Variants in PICALM observed in about 807,000 individuals in gnomAD.
PICALM encodes phosphatidylinositol-binding clathrin assembly protein.
Under a neutral mutation model 80.5 loss-of-function variants are expected in PICALM, and 40 were observed. That is an observed-to-expected ratio of 0.50 (90% CI 0.39 to 0.65). The LOEUF is 0.65. Ranked by LOEUF, PICALM falls within the 30% of genes least tolerant of loss-of-function variation. PICALM has a pLI of 0.00. For missense variants in PICALM, 676 were observed against 778.9 expected (o/e 0.87, Z 1.57); for synonymous variants, 288 against 260.3 (o/e 1.11, Z -1.02).
chr11:85,975,760 C>A (rs1399128019), intron 18 of PICALM, among the ~76,000 whole-genome samples: 1 of 152,010 alleles, frequency 6.6e-6, no homozygotes, highest in African/African-American at 2.4e-5. Flanking sequence ...CCATACCCAG[C>A]TAATTTTTGT....
intron 8 of PICALM, among the ~76,000 whole-genome samples, chr11:86,007,147 ACAGT>A (rs556807269): frequency 1.2e-4 from 19 of 152,374 alleles, no homozygotes; most frequent in African/African-American, 3.4e-4. Flanking sequence ...CCTGAGTCAA[ACAGT>A]CAAAGTGGAA....
intron 6 of PICALM, among the ~76,000 whole-genome samples, 184 bp from the exon 7 acceptor site, chr11:86,011,320 TA>T (rs1255287518): frequency 1.3e-5 from 2 of 152,142 alleles, no homozygotes; most frequent in African/African-American, 4.8e-5. Context: ...GCTATTATAC[TA>T]AAAAAAGAAA....
In PICALM at chr11:85,957,575, C is replaced by T. The variant is rs2093567174; in HGVS notation, c.*1471G>A. 1 of 186,232 alleles carries T rather than the reference C, an allele frequency of 5.4e-6. No individual in the cohort carries two copies. Among genetic ancestry groups the T allele is most frequent in the African/African-American group, 2.3e-5 (1 of 42,634 alleles). 11.5% of individuals were successfully genotyped at this position (186,232 alleles called of 1,614,324 possible). ...CAAACCTTCCATGTTATTAGATCAA[C>T]AAATATAATCACCTGGGTATATTTT... On this transcript the variant is annotated 3_prime_UTR_variant, in exon 20 of 20. Coordinates refer to ENST00000393346, the MANE Select transcript of PICALM (RefSeq NM_007166.4).
Position 86,062,834 on chromosome 11 carries a change from G to A in PICALM, c.130+5817C>T, listed in dbSNP as rs141261699. Among the ~76,000 whole-genome samples, 636 of 152,206 alleles carry A rather than the reference G, an allele frequency of 4.2e-3. 8 individuals carry two copies. Among genetic ancestry groups the A allele is most frequent in the Non-Finnish European group, 7.0e-3 (476 of 67,992 alleles). On this transcript the variant is annotated intron_variant, in intron 1 of 19. Transcript: ENST00000393346. ...CAAAATTTTGATTCTCTAGAGAAAC[G>A]TATAAAGCAGTTTAACTGGGAACAT...
In PICALM at chr11:86,011,098, C is replaced by G; in HGVS notation, c.697G>C (p.Gly233Arg). The stretch of plus-strand genomic sequence containing the variant: ...AGGAACTTCTTATAGATGTCAAGAC[C>G]TTCTTTGCATTGGTTCTTTTTCATA... ...FDMKKNQCKE[G>R]LDIYKKFLTR... The change falls in exon 7 of 20, where the codon GGT (glycine) becomes CGT (arginine). Residue 233 changes from glycine (G) to arginine (R), a missense_variant. By Grantham distance (125) the Gly-to-Arg change is moderately radical (BLOSUM62 -2). This residue lies in a region of PICALM where 285 missense variants were observed against 395.4 expected (regional missense o/e 0.72). Coordinates refer to ENST00000393346, the MANE Select transcript of PICALM (RefSeq NM_007166.4). 1.3e-6 allele frequency: 2 copies of G among 1,525,964 alleles called. No homozygotes were observed. Among genetic ancestry groups the G allele is most frequent in the Non-Finnish European group, 1.8e-6 (2 of 1,112,648 alleles). 94.5% of individuals were successfully genotyped at this position (1,525,964 alleles called of 1,614,324 possible).
At chr11:85,974,922 A>C in intron 18 of PICALM, 110 bp from the exon 19 acceptor site, 1 of 749,752 alleles carries the variant, frequency 1.3e-6, no homozygotes, top group Non-Finnish European at 2.4e-6. Context: ...TGCTTGACTC[A>C]AAGGGTAACT....
At chr11:85,988,076 A>T (rs1211947441) in intron 13 of PICALM, among the ~76,000 whole-genome samples, 3 of 152,152 alleles carry the variant, frequency 2.0e-5, no homozygotes, top group Non-Finnish European at 4.4e-5. Context: ...TAGTTGTGTC[A>T]AACATTCTTT....
intron 1 of PICALM, among the ~76,000 whole-genome samples, chr11:86,034,995 C>T (rs561646): frequency 0.69 from 105,151 of 152,048 alleles, 36,553 homozygotes; most frequent in African/African-American, 0.78. Flanking sequence ...TAAGGATCCA[C>T]TAAAACATAC....
Position 86,022,487 on chromosome 11 carries a change from C to A in PICALM, c.350-18G>T, listed in dbSNP as rs749688028. 2.3e-6 allele frequency: 3 copies of A among 1,306,128 alleles called. No individual in the cohort carries two copies. Among genetic ancestry groups the A allele is most frequent in the South Asian group, 2.9e-5 (2 of 68,660 alleles). 80.9% of individuals were successfully genotyped at this position (1,306,128 alleles called of 1,614,324 possible). A position where few individuals can be genotyped will look rare whatever the true frequency, so the allele number is the denominator to read the frequency against. On this transcript the variant is annotated intron_variant, in intron 3 of 19. Coordinates refer to ENST00000393346, the MANE Select transcript of PICALM (RefSeq NM_007166.4). Reference sequence around the variant, plus strand: ...GTCATATCCTGTAAAAAAACAAAAACAAAAACAAAACAAAGAGAGAGACAA... The same window carrying A: ...GTCATATCCTGTAAAAAAACAAAAAAAAAAACAAAACAAAGAGAGAGACAA...
intron 18 of PICALM, 79 bp downstream of exon 18, chr11:85,976,544 T>C: frequency 1.1e-6 from 1 of 892,294 alleles, no homozygotes. Flanking sequence ...TAAATTCTTT[T>C]TTAGGTTAAA....
At chr11:86,007,488 C>A in intron 8 of PICALM, 54 bp downstream of exon 8, 1 of 1,007,186 alleles carries the variant, frequency 9.9e-7, no homozygotes, top group Non-Finnish European at 1.6e-6. Flanking sequence ...TCTTAATACT[C>A]TTCACAACTT....
chr11:85,992,274 G>T (rs1012663294), intron 12 of PICALM, among the ~76,000 whole-genome samples: 2 of 136,848 alleles, frequency 1.5e-5, no homozygotes, highest in African/African-American at 5.6e-5. Flanking sequence ...GAAAGTTCTG[G>T]GTGTGTTTTG....
At chr11:85,991,000 T>A (rs2094754985) in intron 12 of PICALM, among the ~76,000 whole-genome samples, 1 of 152,158 alleles carries the variant, frequency 6.6e-6, no homozygotes, top group Non-Finnish European at 1.5e-5. Context: ...CCTTTGAATG[T>A]CTATCTAAGA....
At chr11:86,020,046 G>A (rs189204547) in intron 4 of PICALM, among the ~76,000 whole-genome samples, 2 of 151,980 alleles carry the variant, frequency 1.3e-5, no homozygotes, top group African/African-American at 2.4e-5. Flanking sequence ...TATATCCTAG[G>A]AAAAAAATCT....
At chr11:86,043,393 C>G (rs779863133) in intron 1 of PICALM, among the ~76,000 whole-genome samples, 1 of 152,150 alleles carries the variant, frequency 6.6e-6, no homozygotes, top group East Asian at 1.9e-4. Flanking sequence ...AATCTCTATG[C>G]AAATCATTCA....
intron 1 of PICALM, among the ~76,000 whole-genome samples, chr11:86,059,624 T>C (rs1394137397): frequency 6.6e-6 from 1 of 152,126 alleles, no homozygotes; most frequent in African/African-American, 2.4e-5. Flanking sequence ...TAGCAGGGCA[T>C]GGTGGCACAC....
At chr11:86,017,981 A>G (rs1455392287) in intron 4 of PICALM, among the ~76,000 whole-genome samples, 1 of 152,208 alleles carries the variant, frequency 6.6e-6, no homozygotes, top group African/African-American at 2.4e-5. Flanking sequence ...TTCTGAGTAA[A>G]GTATACAGAA....
intron 2 of PICALM, among the ~76,000 whole-genome samples, chr11:86,028,740 TTC>T (rs1464021665): frequency 1.3e-5 from 2 of 152,204 alleles, no homozygotes; most frequent in Admixed American, 1.3e-4. Context: ...TTTGAGATTT[TTC>T]TCTGTGGCCA....
At position 85,976,651 on chromosome 11, in the gene PICALM, G is replaced by A; in HGVS notation, c.1811C>T (p.Thr604Ile). 6.2e-7 allele frequency: 1 copy of A among 1,604,454 alleles called. No individual in the cohort carries two copies. Among genetic ancestry groups the A allele is most frequent in the Non-Finnish European group, 8.5e-7 (1 of 1,171,362 alleles). Residue 604 changes from threonine (T) to isoleucine (I), a missense_variant, in exon 18 of 20, where the codon ACA (threonine) becomes ATA (isoleucine). Around this residue, in one of 2 missense-constraint regions of PICALM, gnomAD observed 391 missense variants for 383.6 expected, o/e 1.02. Transcript: ENST00000393346. Reference protein sequence around the residue: ...APPVMAYPATTPTGMIGYGIP... With the variant: ...APPVMAYPATIPTGMIGYGIP... ...TCCATATCCTATCATGCCTGTTGGT[G>A]TAGTAGCAGGATAGGCCATTACAGG...
Sources: allele counts gnomAD v4.1 joint callset (sites outside exome capture counted in the v4.1 genomes callset), GRCh38; gene constraint gnomAD v4.1.1; regional missense constraint gnomAD v4.1.1; transcripts MANE v1.5; gene names NCBI Gene and HGNC (gene_info 2026-07-23, HGNC 2026-07-21).